Variants in PSEN1 observed in about 807,000 individuals in gnomAD.
PSEN1 encodes presenilin 1.
Under a neutral mutation model 53.5 loss-of-function variants are expected in PSEN1, and 15 were observed. That is an observed-to-expected ratio of 0.28 (90% confidence interval 0.19 to 0.43). The LOEUF (loss-of-function observed/expected upper bound fraction) is 0.43. PSEN1 is among the 20% of genes least tolerant of loss of function. The pLI, the probability that PSEN1 is intolerant of heterozygous loss-of-function variation, is 1.00. For synonymous variants in PSEN1, 208 were observed against 209.8 expected (o/e 0.99, Z 0.08); for missense variants, 387 against 571.2 (o/e 0.68, Z 3.29).
At chr14:73,167,236 C>T (rs1009656211) in intron 3 of PSEN1, among the ~76,000 whole-genome samples, 2 of 152,124 alleles carry the variant, frequency 1.3e-5, no homozygotes, top group African/African-American at 4.8e-5. Flanking sequence ...GATAACTAAC[C>T]TACTCCTGTG....
chr14:73,160,326 T>A (rs1897491848), intron 3 of PSEN1, among the ~76,000 whole-genome samples: 1 of 152,290 alleles, frequency 6.6e-6, no homozygotes, highest in Non-Finnish European at 1.5e-5. Flanking sequence ...TTCGTGGCTA[T>A]ACTGAATAAT....
chr14:73,184,048 G>T (rs1177631156), intron 5 of PSEN1, among the ~76,000 whole-genome samples: 2 of 133,706 alleles, frequency 1.5e-5, no homozygotes, highest in Non-Finnish European at 3.2e-5. Flanking sequence ...CTGGCCAGGC[G>T]GGGGGCTGAT....
In PSEN1 at chr14:73,147,804, G is replaced by A; in HGVS notation, c.-126G>A. The A allele has an allele frequency of 1.8e-6, 1 of 567,398 alleles. No individual in the cohort carries two copies. 35.1% of individuals were successfully genotyped at this position (567,398 alleles called of 1,614,324 possible). ...TGAAATCCTATTTCAGACCTAATCT[G>A]GGAGCCTGCAAGTGACAACAGCCTT... On this transcript the variant is annotated 5_prime_UTR_variant, in exon 2 of 12. Coordinates refer to ENST00000324501, the MANE Select transcript of PSEN1 (RefSeq NM_000021.4).
intron 10 of PSEN1, among the ~76,000 whole-genome samples, chr14:73,212,802 T>C (rs1451497599): frequency 6.6e-6 from 1 of 152,248 alleles, no homozygotes; most frequent in African/African-American, 2.4e-5. Context: ...TCTCTTCAGT[T>C]AGTCTTAGAG....
intron 9 of PSEN1, 136 bp from the exon 10 acceptor site, chr14:73,211,633 C>T (rs989685970): frequency 1.3e-5 from 11 of 831,838 alleles, no homozygotes; most frequent in African/African-American, 6.9e-5. Context: ...TACCAGCAGG[C>T]ACTGCTACAG....
At chr14:73,163,009 G>A (rs188936594) in intron 3 of PSEN1, among the ~76,000 whole-genome samples, 8 of 152,136 alleles carry the variant, frequency 5.3e-5, no homozygotes, top group African/African-American at 1.9e-4. Flanking sequence ...CAAATAAATT[G>A]TACTTTTTTT....
intron 1 of PSEN1, among the ~76,000 whole-genome samples, chr14:73,141,849 C>T (rs1479752778): frequency 2.0e-4 from 30 of 151,664 alleles, no homozygotes; most frequent in South Asian, 2.1e-4. Flanking sequence ...TGGCAGATCA[C>T]GAGGTCAGGA....
intron 1 of PSEN1, among the ~76,000 whole-genome samples, chr14:73,145,682 G>A (rs1897050055): frequency 6.6e-6 from 1 of 152,120 alleles, no homozygotes; most frequent in Non-Finnish European, 1.5e-5. Context: ...GAACTTGTAT[G>A]GATACTCAAA....
intron 8 of PSEN1, among the ~76,000 whole-genome samples, chr14:73,202,811 G>A (rs1414373298): frequency 6.6e-6 from 1 of 151,698 alleles, no homozygotes; most frequent in Non-Finnish European, 1.5e-5. Flanking sequence ...GTCTGTGCTC[G>A]CTTTAGCAGC....
chr14:73,181,656 ATTACAT>A (rs1028527354), intron 5 of PSEN1, among the ~76,000 whole-genome samples: 3 of 152,202 alleles, frequency 2.0e-5, no homozygotes, highest in Non-Finnish European at 4.4e-5. Flanking sequence ...GTAATAAAAG[ATTACAT>A]TTGTGAAAGC....
intron 5 of PSEN1, among the ~76,000 whole-genome samples, chr14:73,184,822 G>C (rs1453455710): frequency 2.0e-5 from 3 of 149,782 alleles, no homozygotes; most frequent in Non-Finnish European, 3.0e-5. Context: ...GGCGGCTGCC[G>C]GGCGGAGGGG....
chr14:73,147,897 A>G, intron 2 of PSEN1, 21 bp downstream of exon 2: 1 of 779,702 alleles, frequency 1.3e-6, no homozygotes, highest in Non-Finnish European at 2.2e-6. Flanking sequence ...GCTTAATGTA[A>G]TCTATGAAAG....
At chr14:73,208,486 C>T (rs1351606921) in intron 9 of PSEN1, among the ~76,000 whole-genome samples, 1 of 152,070 alleles carries the variant, frequency 6.6e-6, no homozygotes, top group Non-Finnish European at 1.5e-5. Context: ...CTGTAATCCT[C>T]AGTGGAGAGG....
intron 5 of PSEN1, among the ~76,000 whole-genome samples, chr14:73,183,442 C>T (rs998913595): frequency 2.1e-4 from 32 of 152,130 alleles, no homozygotes; most frequent in Middle Eastern, 6.8e-3. Context: ...GAGGACCCTG[C>T]GGCCTTCCGC....
chr14:73,165,077 C>T (rs998502771), intron 3 of PSEN1, among the ~76,000 whole-genome samples: 1 of 152,088 alleles, frequency 6.6e-6, no homozygotes, highest in Non-Finnish European at 1.5e-5. Context: ...CTGCCTCAGC[C>T]TCCCAAGTAG....
At chr14:73,209,056 C>T (rs546211854) in intron 9 of PSEN1, 1 of 319,754 alleles carries the variant, frequency 3.1e-6, no homozygotes, top group Admixed American at 4.2e-5. Flanking sequence ...TGACAGCACC[C>T]AGCCTCAGCC....
chr14:73,188,891 C>T (rs917791926), intron 6 of PSEN1, among the ~76,000 whole-genome samples: 12 of 152,148 alleles, frequency 7.9e-5, no homozygotes, highest in South Asian at 6.2e-4. Context: ...TGGGTTCAAG[C>T]GATTCTCCTG....
At chr14:73,139,868 A>G (rs953258541) in intron 1 of PSEN1, among the ~76,000 whole-genome samples, 10 of 152,232 alleles carry the variant, frequency 6.6e-5, no homozygotes, top group African/African-American at 2.4e-4. Flanking sequence ...GGAAAAAGGT[A>G]TTAGTATTGG....
chr14:73,184,601 GGC>G (rs1898396920), intron 5 of PSEN1, among the ~76,000 whole-genome samples: 1 of 130,810 alleles, frequency 7.6e-6, no homozygotes, highest in South Asian at 2.6e-4. Context: ...GCCGGGCAGA[GGC>G]GCCCCTCACC....
Sources: allele counts gnomAD v4.1 joint callset (sites outside exome capture counted in the v4.1 genomes callset), GRCh38; gene constraint gnomAD v4.1.1; transcripts MANE v1.5; gene names NCBI Gene and HGNC (gene_info 2026-07-23, HGNC 2026-07-21).